CLDN11: variants seen among roughly 807,000 people sequenced by gnomAD.
The protein encoded by CLDN11 is claudin-11.
A neutral mutation model predicts 18.0 loss-of-function variants in CLDN11; 1 was observed. That is an observed-to-expected ratio of 0.06 (90% CI 0.02 to 0.26). The LOEUF (loss-of-function observed/expected upper bound fraction) is 0.26, where lower values mean the gene tolerates loss of function less well. CLDN11 is among the 10% of genes least tolerant of loss of function. CLDN11 has a pLI of 1.00. For missense variants in CLDN11, 172 were observed against 276.6 expected (o/e 0.62, Z 2.68); for synonymous variants, 116 against 121.5 (o/e 0.96, Z 0.30).
At chr3:170,426,875 G>A (rs1272999130) in intron 2 of CLDN11, among the ~76,000 whole-genome samples, 1 of 152,086 alleles carries the variant, frequency 6.6e-6, no homozygotes, top group Non-Finnish European at 1.5e-5. Flanking sequence ...TCTGCCACCT[G>A]GGTTCAAGCG....
chr3:170,432,362 C>G lies in CLDN11; in HGVS notation c.392-162C>G, dbSNP rs187863554. ...AGTCTACTTCTTCTACAGATGCCAA[C>G]TGCTACATATTGGTTCAGTGTTGAG... On this transcript the variant is annotated intron_variant, in intron 2 of 2. Transcript: ENST00000064724. Among the ~76,000 whole-genome samples the G allele has an allele frequency of 3.3e-5, 5 of 152,298 alleles. No homozygotes were observed. The South Asian group carries it at 1.0e-3, about 32-fold the overall frequency.
rs967002501 is a variant in CLDN11, at chr3:170,419,672, C to T, written c.226+380C>T. On this transcript the variant is annotated intron_variant, in intron 1 of 2. Transcript: ENST00000064724. The surrounding 1 kb of genome is among the most constrained non-coding windows in gnomAD (Gnocchi z 8.6). ...TCCCGCCCGGCCTCCCCCGGGGCGC[C>T]GAGCCTTCGCGTTAGGTTCCGCCCG... 6.6e-6 allele frequency among the ~76,000 whole-genome samples: 1 copy of T among 152,238 alleles called. No homozygotes were observed. Among genetic ancestry groups the T allele is most frequent in the Non-Finnish European group, 1.5e-5 (1 of 68,040 alleles).
chr3:170,429,555 TGGAG>T (rs1438828519), intron 2 of CLDN11, among the ~76,000 whole-genome samples: 1 of 152,246 alleles, frequency 6.6e-6, no homozygotes, highest in Non-Finnish European at 1.5e-5. Flanking sequence ...TCCATTCCTA[TGGAG>T]GTTCATTGTA....
chr3:170,420,594 A>C (rs1738700990), intron 1 of CLDN11, among the ~76,000 whole-genome samples: 2 of 152,176 alleles, frequency 1.3e-5, no homozygotes, highest in Admixed American at 1.3e-4. Flanking sequence ...AAATTCCTTG[A>C]AGATAGAGAT....
In CLDN11 at chr3:170,423,183, G is replaced by A. The variant is rs746584633; in HGVS notation, c.247G>A (p.Ala83Thr). Residue 83 changes from alanine to threonine, a missense_variant, in exon 2 of 3, where the codon GCC becomes ACC. By Grantham distance (58) the Ala-to-Thr change is moderately conservative. Coordinates refer to ENST00000064724, the MANE Select transcript of CLDN11 (RefSeq NM_005602.6). ...ILPGYVQACR[A>T]LMIAASVLGL... ...CCCAGGCTACGTGCAGGCCTGCCGC[G>A]CCCTGATGATTGCTGCCTCGGTCCT... 2.4e-5 allele frequency: 39 copies of A among 1,614,078 alleles called. 1 individual carries two copies. In the South Asian group the frequency reaches 2.9e-4, roughly 12 times the overall value.
intron 1 of CLDN11, chr3:170,421,103 T>A (rs1202283680): frequency 6.7e-6 from 1 of 148,154 alleles, no homozygotes; most frequent in Non-Finnish European, 1.4e-5. Flanking sequence ...AGTGGTTTGT[T>A]TTCAGAGAAC....
chr3:170,423,037 A>C, intron 1 of CLDN11, 126 bp from the exon 2 acceptor site: 4 of 987,724 alleles, frequency 4.0e-6, no homozygotes, highest in Non-Finnish European at 6.3e-6. Context: ...CAACATTAGC[A>C]CCTTCTAAGT....
At chr3:170,423,983 C>T (rs116016760) in intron 2 of CLDN11, among the ~76,000 whole-genome samples, 5,632 of 140,176 alleles carry the variant, frequency 0.04, 157 homozygotes, top group South Asian at 0.14. Context: ...GAGCTGAGAT[C>T]ACGCTACTGC....
At chr3:170,425,786 C>T (rs1738839738) in intron 2 of CLDN11, among the ~76,000 whole-genome samples, 1 of 152,214 alleles carries the variant, frequency 6.6e-6, no homozygotes, top group South Asian at 2.1e-4. Context: ...GCCTGCTTTG[C>T]TCCTATCCGG....
intron 1 of CLDN11, among the ~76,000 whole-genome samples, chr3:170,421,691 A>C (rs1218610296): frequency 1.3e-5 from 2 of 150,058 alleles, no homozygotes; most frequent in Non-Finnish European, 3.0e-5. Context: ...AATAAATGTG[A>C]CCCCCCCCAC....
Position 170,419,560 on chromosome 3 carries a change from G to C in CLDN11, c.226+268G>C, listed in dbSNP as rs1577466535. 6.6e-6 allele frequency among the ~76,000 whole-genome samples: 1 copy of C among 152,308 alleles called. No individual in the cohort carries two copies. The highest frequency in any genetic ancestry group is 1.9e-4 in the East Asian group (1 of 5,176). On this transcript the variant is annotated intron_variant, in intron 1 of 2. Coordinates refer to ENST00000064724, the MANE Select transcript of CLDN11 (RefSeq NM_005602.6). The surrounding 1 kb of genome is among the most constrained non-coding windows in gnomAD (Gnocchi z 8.6). ...GGTCCCTTTGAGAATGAACAAACCG[G>C]AACACCTAATAGGAACTGAGTCCGT...
chr3:170,421,485 T>A (rs1283331642), intron 1 of CLDN11: 1 of 163,192 alleles, frequency 6.1e-6, no homozygotes, highest in Admixed American at 6.5e-5. Flanking sequence ...AGATGGGCAG[T>A]GCTGGAAGAG....
At position 170,426,846 on chromosome 3, in the gene CLDN11, A is replaced by G. The variant is rs1056774801; in HGVS notation, c.391+3519A>G. Among the ~76,000 whole-genome samples the G allele has an allele frequency of 3.9e-5, 6 of 152,188 alleles. No individual in the cohort carries two copies. In the East Asian group the frequency reaches 9.6e-4, roughly 24 times the overall value. On this transcript the variant is annotated intron_variant, in intron 2 of 2. Coordinates refer to ENST00000064724, the MANE Select transcript of CLDN11 (RefSeq NM_005602.6). ...GCCCAGGCTAGAGTGCAGTGGCGCA[A>G]TCTTGGCTCACTGCAACCTCTGCCA...
chr3:170,427,226 A>T (rs1010853932), intron 2 of CLDN11, among the ~76,000 whole-genome samples: 1 of 152,206 alleles, frequency 6.6e-6, no homozygotes, highest in Non-Finnish European at 1.5e-5. Context: ...CTTAGATAGC[A>T]TATCAAGAAA....
At chr3:170,420,913 G>T (rs76531486) in intron 1 of CLDN11, among the ~76,000 whole-genome samples, 2,875 of 152,198 alleles carry the variant, frequency 0.019, 55 homozygotes, top group East Asian at 0.08. Context: ...CATCTTTCAC[G>T]ATTATTTGAG....
At chr3:170,430,910 A>G (rs1447879063) in intron 2 of CLDN11, among the ~76,000 whole-genome samples, 4 of 152,200 alleles carry the variant, frequency 2.6e-5, no homozygotes, top group East Asian at 3.8e-4. Flanking sequence ...TAGAAAGCCA[A>G]TCTGGGCAAT....
At chr3:170,423,627 A>G (rs1030550374) in intron 2 of CLDN11, 1 of 356,338 alleles carries the variant, frequency 2.8e-6, no homozygotes, top group African/African-American at 2.0e-5. Context: ...CAGTCTTCAC[A>G]GTGGAATCCT....
chr3:170,429,647 A>G (rs1340152841), intron 2 of CLDN11, among the ~76,000 whole-genome samples: 1 of 152,234 alleles, frequency 6.6e-6, no homozygotes, highest in Non-Finnish European at 1.5e-5. Flanking sequence ...AAAATCCCTA[A>G]AATACTCAAA....
Position 170,432,572 on chromosome 3 carries a change from G to A in CLDN11, c.440G>A (p.Arg147His), listed in dbSNP as rs146493095. ...ATCTGGTTCCCTGTGTGCGCCCACC[G>A]TGAGACCACCATCGTGAGCTTTGGC... Reference protein sequence around the residue: ...ATIWFPVCAHRETTIVSFGYS... With the variant: ...ATIWFPVCAHHETTIVSFGYS... The change falls in exon 3 of 3, where the codon CGT becomes CAT. Residue 147 changes from arginine to histidine, a missense_variant. Transcript: ENST00000064724. The A allele has an allele frequency of 7.8e-4, 1,263 of 1,614,002 alleles. 6 individuals carry two copies. The highest frequency in any genetic ancestry group is 4.2e-4 in the Non-Finnish European group (498 of 1,180,044).
Sources: gnomAD v4.1 joint callset for allele counts (sites outside exome capture counted in the v4.1 genomes callset) on GRCh38, gnomAD v4.1.1 for gene constraint, Gnocchi (gnomAD v3.1) non-coding constraint, MANE v1.5 for transcripts, NCBI Gene and HGNC (gene_info 2026-07-23, HGNC 2026-07-21) for gene names.